TNS3: variants seen among roughly 807,000 people sequenced by gnomAD.
The protein encoded by TNS3 is tensin-3.
A neutral mutation model predicts 140.9 loss-of-function variants in TNS3; 45 were observed. The ratio of observed to expected loss-of-function variants is 0.32; its 90% CI spans 0.25 to 0.41. The LOEUF is 0.41. Among genes scored for constraint, TNS3 ranks in the 10% least tolerant of loss-of-function variants. The pLI, the probability that TNS3 is intolerant of heterozygous loss-of-function variation, is 1.00. For synonymous variants in TNS3, 815 were observed against 788.4 expected (o/e 1.03, Z -0.56); for missense variants, 1,716 against 1,906.7 (o/e 0.90, Z 1.86).
intron 1 of TNS3, chr7:47,539,350 A>T (rs900279592): frequency 2.9e-6 from 1 of 344,992 alleles, no homozygotes; most frequent in African/African-American, 2.1e-5. Flanking sequence ...CTTCGTTACT[A>T]GTAACAAATA....
rs1027096620 is a variant in TNS3, at chr7:47,407,864, A to T, written c.723+3863T>A. On this transcript the variant is annotated intron_variant, in intron 13 of 30. Transcript: ENST00000311160. The surrounding 1 kb of genome is among the most constrained non-coding windows in gnomAD (Gnocchi z 4.1). ...ACCACCCTGCCCACACCTGGATCTC[A>T]GGCTCCCAGCCTCCAGGACTGTGGG... 6.6e-6 allele frequency among the ~76,000 whole-genome samples: 1 copy of T among 152,108 alleles called. No homozygotes were observed. The highest frequency in any genetic ancestry group is 1.5e-5 in the Non-Finnish European group (1 of 68,008).
chr7:47,509,047 G>T (rs1798515677), intron 2 of TNS3, among the ~76,000 whole-genome samples: 2 of 152,184 alleles, frequency 1.3e-5, no homozygotes, highest in African/African-American at 4.8e-5. Context: ...GGAGATAACA[G>T]ATGCTTACTG....
chr7:47,441,163 CATTTATTTTTATTTTT>C (rs1159850456), intron 5 of TNS3, among the ~76,000 whole-genome samples: 2 of 152,088 alleles, frequency 1.3e-5, no homozygotes, highest in South Asian at 4.1e-4. Context: ...CAATACCATA[CATTTATTTTTATTTTT>C]ATTTATTTTT....
At chr7:47,284,384 CT>C (rs1193276365) in intron 27 of TNS3, among the ~76,000 whole-genome samples, 1 of 152,202 alleles carries the variant, frequency 6.6e-6, no homozygotes, top group Non-Finnish European at 1.5e-5. Flanking sequence ...AGAGAACAGG[CT>C]GGAAAAAGCC....
At chr7:47,564,750 C>T (rs928076065) in intron 1 of TNS3, among the ~76,000 whole-genome samples, 12 of 150,324 alleles carry the variant, frequency 8.0e-5, no homozygotes, top group Non-Finnish European at 4.4e-5. Flanking sequence ...TATGAACATG[C>T]CCTGTTGGTT....
intron 16 of TNS3, chr7:47,396,588 C>T (rs1015534334): frequency 3.0e-4 from 171 of 571,060 alleles, no homozygotes; most frequent in Admixed American, 1.7e-3. Flanking sequence ...TACAGCTTCA[C>T]AAAAAGCCCT....
Position 47,435,274 on chromosome 7 carries a change from G to A in TNS3, c.324+8C>T, listed in dbSNP as rs781509902. ...CAGACCCCCAAATGTGAGAGGGGGC[G>A]CACTCACCCTGCAGTGAATGACGAC... is the stretch of plus-strand genomic sequence containing the variant. On this transcript the variant is annotated splice_region_variant and intron_variant, in intron 8 of 30. Coordinates refer to ENST00000311160, the MANE Select transcript of TNS3 (RefSeq NM_022748.12). 6.2e-6 allele frequency: 10 copies of A among 1,613,304 alleles called. No homozygotes were observed. Among genetic ancestry groups the A allele is most frequent in the East Asian group, 2.2e-5 (1 of 44,872 alleles).
At chr7:47,527,615 G>A (rs1799244997) in intron 2 of TNS3, among the ~76,000 whole-genome samples, 1 of 152,084 alleles carries the variant, frequency 6.6e-6, no homozygotes, top group South Asian at 2.1e-4. Context: ...CTAGTGCAGT[G>A]CCGTTTGCAA....
intron 1 of TNS3, among the ~76,000 whole-genome samples, chr7:47,575,872 G>A (rs1800664491): frequency 6.8e-6 from 1 of 147,850 alleles, no homozygotes; most frequent in African/African-American, 2.5e-5. Context: ...CATTACTTGA[G>A]AGTCTTCTGC....
intron 2 of TNS3, among the ~76,000 whole-genome samples, chr7:47,517,214 G>C (rs1798807244): frequency 1.3e-5 from 2 of 152,072 alleles, no homozygotes; most frequent in South Asian, 2.1e-4. Context: ...AGACAAGAAC[G>C]CCCAACCTTG....
intron 3 of TNS3, among the ~76,000 whole-genome samples, chr7:47,496,901 G>T (rs1798031349): frequency 6.6e-6 from 1 of 152,206 alleles, no homozygotes; most frequent in Non-Finnish European, 1.5e-5. Context: ...GAGGCTGGGG[G>T]GAGTAGAAAG....
At chr7:47,481,334 C>T in intron 3 of TNS3, 193 bp from the exon 4 acceptor site, 1 of 380,764 alleles carries the variant, frequency 2.6e-6, no homozygotes, top group South Asian at 2.3e-5. Flanking sequence ...TGGAAAGTCC[C>T]TGTCATTTTT....
At chr7:47,469,725 G>A (rs1278797752) in intron 4 of TNS3, among the ~76,000 whole-genome samples, 1 of 152,172 alleles carries the variant, frequency 6.6e-6, no homozygotes, top group African/African-American at 2.4e-5. Context: ...TGTAATCCCA[G>A]CACTCTGAAA....
At chr7:47,566,605 G>C (rs1457702950) in intron 1 of TNS3, among the ~76,000 whole-genome samples, 9 of 152,202 alleles carry the variant, frequency 5.9e-5, no homozygotes, top group Non-Finnish European at 1.0e-4. Flanking sequence ...TAACTCCTAA[G>C]GGAATAACTG....
At chr7:47,554,380 T>A (rs747528615) in intron 1 of TNS3, among the ~76,000 whole-genome samples, 6 of 148,858 alleles carry the variant, frequency 4.0e-5, no homozygotes, top group Non-Finnish European at 7.4e-5. Context: ...ATTGCGCCAC[T>A]GCACTCCAGT....
rs115204291 is a variant in TNS3 at position 47,446,654 on chromosome 7, G to T, written c.-75-4599C>A. ...GTGGTTAAGGTTAAACCTGCAAAAG[G>T]TAAGCCTGCAAAGACCGCCCTGTTC... On this transcript the variant is annotated intron_variant, in intron 4 of 30. Coordinates refer to ENST00000311160, the MANE Select transcript of TNS3 (RefSeq NM_022748.12). Among the ~76,000 whole-genome samples, 909 of 124,482 alleles carry T rather than the reference G, an allele frequency of 7.3e-3. 6 individuals carry two copies. Among genetic ancestry groups the T allele is most frequent in the African/African-American group, 0.024 (845 of 35,080 alleles). 81.7% of individuals were successfully genotyped at this position (124,482 alleles called of 152,430 possible).
chr7:47,497,137 T>C (rs1798042579), intron 3 of TNS3, among the ~76,000 whole-genome samples: 1 of 152,174 alleles, frequency 6.6e-6, no homozygotes. Context: ...CAGAAGAAAA[T>C]TTAGAAAATA....
chr7:47,488,033 T>C (rs369304112), intron 3 of TNS3, among the ~76,000 whole-genome samples: 44 of 152,258 alleles, frequency 2.9e-4, no homozygotes, highest in Middle Eastern at 6.8e-3. Flanking sequence ...CTATAATCTC[T>C]ACACGGAGTA....
At chr7:47,522,003 G>A (rs771935444) in intron 2 of TNS3, among the ~76,000 whole-genome samples, 8 of 152,154 alleles carry the variant, frequency 5.3e-5, no homozygotes, top group African/African-American at 7.2e-5. Context: ...GATGGAGACC[G>A]GGGCCCAGCC....
Sources: gnomAD v4.1 joint callset for allele counts (sites outside exome capture counted in the v4.1 genomes callset) on GRCh38, gnomAD v4.1.1 for gene constraint, Gnocchi (gnomAD v3.1) non-coding constraint, MANE v1.5 for transcripts, NCBI Gene and HGNC (gene_info 2026-07-23, HGNC 2026-07-21) for gene names.